DISP1: variants seen among roughly 807,000 people sequenced by gnomAD.
DISP1 encodes the protein dispatched RND transporter family member 1.
A neutral mutation model predicts 37.3 loss-of-function variants in DISP1; 30 were observed. The observed-to-expected ratio is 0.80, with a 90% CI of 0.60 to 1.09. The LOEUF (loss-of-function observed/expected upper bound fraction) is 1.09. DISP1 is among the 50% of genes least tolerant of loss of function. The pLI, the probability that DISP1 is intolerant of heterozygous loss-of-function variation, is 0.00. For missense variants in DISP1, 1,598 were observed against 1,879.5 expected (o/e 0.85, Z 2.77); for synonymous variants, 634 against 690.2 (o/e 0.92, Z 1.28).
chr1:222,916,403 C>T (rs1672496040), intron 1 of DISP1, among the ~76,000 whole-genome samples: 1 of 152,216 alleles, frequency 6.6e-6, no homozygotes, highest in Admixed American at 6.5e-5. Context: ...TGGTAATGGT[C>T]AGCTAGGACT....
intron 1 of DISP1, among the ~76,000 whole-genome samples, chr1:222,881,578 G>T (rs1167575144): frequency 1.3e-5 from 2 of 152,184 alleles, no homozygotes; most frequent in Non-Finnish European, 2.9e-5. Flanking sequence ...TTCAGATGGG[G>T]TGTTTTTGTT....
chr1:222,926,377 A>T (rs940197960), intron 1 of DISP1, among the ~76,000 whole-genome samples: 4 of 152,198 alleles, frequency 2.6e-5, no homozygotes, highest in Non-Finnish European at 5.9e-5. Context: ...GGCACTATGA[A>T]TATTCATGTA....
chr1:222,831,125 G>A (rs1036475436), intron 1 of DISP1: 1 of 152,142 alleles, frequency 6.6e-6, no homozygotes, highest in East Asian at 1.9e-4. Flanking sequence ...TGGATTAATT[G>A]TACAGAACCA....
At chr1:222,974,295 A>T (rs1419674851) in intron 3 of DISP1, among the ~76,000 whole-genome samples, 2 of 152,200 alleles carry the variant, frequency 1.3e-5, no homozygotes, top group Non-Finnish European at 2.9e-5. Context: ...AATCCTGAGT[A>T]ATTAAAGGAA....
At chr1:222,907,949 AAAAT>A (rs1398732899) in intron 1 of DISP1, among the ~76,000 whole-genome samples, 1 of 152,192 alleles carries the variant, frequency 6.6e-6, no homozygotes, top group African/African-American at 2.4e-5. Flanking sequence ...ACTCCATCTC[AAAAT>A]AAATAAATAA....
intron 3 of DISP1, among the ~76,000 whole-genome samples, chr1:222,964,213 C>T (rs1250293672): frequency 2.0e-5 from 3 of 151,286 alleles, no homozygotes; most frequent in Admixed American, 1.3e-4. Flanking sequence ...GCAGGAGAGT[C>T]GCTTCAACCT....
intron 1 of DISP1, among the ~76,000 whole-genome samples, chr1:222,847,677 G>A (rs1667990562): frequency 6.6e-6 from 1 of 151,606 alleles, no homozygotes; most frequent in Admixed American, 6.6e-5. Context: ...ATTCTATTAA[G>A]TCAATATATT....
chr1:222,840,346 A>G (rs965317039), intron 1 of DISP1, among the ~76,000 whole-genome samples: 13 of 151,902 alleles, frequency 8.6e-5, no homozygotes, highest in African/African-American at 3.1e-4. Context: ...GGTTCAAGCA[A>G]TTCTTGTGCC....
intron 1 of DISP1, among the ~76,000 whole-genome samples, chr1:222,833,297 CA>C (rs1666218584): frequency 6.6e-6 from 1 of 152,088 alleles, no homozygotes; most frequent in South Asian, 2.1e-4. Flanking sequence ...ATTAGTGTAG[CA>C]AAAGTGTGGG....
At chr1:222,972,107 T>C (rs556950795) in intron 3 of DISP1, among the ~76,000 whole-genome samples, 9 of 152,194 alleles carry the variant, frequency 5.9e-5, no homozygotes, top group African/African-American at 2.2e-4. Context: ...ATTGTACTTA[T>C]ATAATTATAT....
intron 1 of DISP1, among the ~76,000 whole-genome samples, chr1:222,897,375 T>G (rs1398470456): frequency 1.3e-5 from 2 of 152,200 alleles, no homozygotes; most frequent in Non-Finnish European, 2.9e-5. Flanking sequence ...GGAAATATTC[T>G]GTAACTTCAT....
intron 1 of DISP1, among the ~76,000 whole-genome samples, chr1:222,857,833 A>G (rs973009243): frequency 5.9e-5 from 9 of 152,230 alleles, no homozygotes; most frequent in African/African-American, 2.2e-4. Flanking sequence ...AAGAATCAAT[A>G]TCGTGAAAAT....
intron 3 of DISP1, among the ~76,000 whole-genome samples, chr1:222,979,397 A>G (rs1258431305): frequency 6.6e-6 from 1 of 151,854 alleles, no homozygotes; most frequent in Non-Finnish European, 1.5e-5. Context: ...ACAGAGCAAG[A>G]CCTTGTCTCA....
intron 3 of DISP1, among the ~76,000 whole-genome samples, chr1:222,951,740 G>A (rs1675237944): frequency 6.6e-6 from 1 of 152,204 alleles, no homozygotes; most frequent in South Asian, 2.1e-4. Context: ...CTGGAGACAG[G>A]TGGAAACTGC....
chr1:222,968,871 T>G (rs1261093368), intron 3 of DISP1, among the ~76,000 whole-genome samples: 1 of 151,944 alleles, frequency 6.6e-6, no homozygotes, highest in Non-Finnish European at 1.5e-5. Context: ...AGGCAGAGAT[T>G]GCAGTGAGCT....
intron 3 of DISP1, among the ~76,000 whole-genome samples, chr1:222,963,271 C>T (rs564655103): frequency 2.6e-4 from 40 of 152,244 alleles, no homozygotes; most frequent in African/African-American, 8.2e-4. Context: ...AGTCATGAAA[C>T]AATAGATGCT....
intron 2 of DISP1, among the ~76,000 whole-genome samples, chr1:222,936,949 A>ATATAATATGTAATATATATTATATATTC (rs1673943423): frequency 1.2e-5 from 1 of 85,478 alleles, no homozygotes; most frequent in African/African-American, 4.4e-5. Context: ...ATTATATATT[A>ATATAATATGTAATATATATTATATATTC]CATATTATAT....
chr1:222,932,613 G>A (rs981832546), intron 2 of DISP1, among the ~76,000 whole-genome samples: 11 of 151,862 alleles, frequency 7.2e-5, no homozygotes, highest in Admixed American at 5.9e-4. Flanking sequence ...CAAACTTAGG[G>A]TTCAAAAGAA....
chr1:222,905,461 C>G (rs1671843141), intron 1 of DISP1, among the ~76,000 whole-genome samples: 1 of 152,194 alleles, frequency 6.6e-6, no homozygotes, highest in Admixed American at 6.5e-5. Flanking sequence ...GCAGACTGCA[C>G]AAACAATATA....
Sources: gnomAD v4.1 joint callset for allele counts (sites outside exome capture counted in the v4.1 genomes callset) on GRCh38, gnomAD v4.1.1 for gene constraint, MANE v1.5 for transcripts, NCBI Gene and HGNC (gene_info 2026-07-23, HGNC 2026-07-21) for gene names.